DAB1: variants seen among roughly 807,000 people sequenced by gnomAD.
DAB1 encodes the protein DAB adaptor protein 1, also known as disabled homolog 1.
A neutral mutation model predicts 64.6 loss-of-function variants in DAB1; 15 were observed. That is an observed-to-expected ratio of 0.23 (90% CI 0.16 to 0.36). The LOEUF (loss-of-function observed/expected upper bound fraction) is 0.36, where lower values mean the gene tolerates loss of function less well. Among genes scored for constraint, DAB1 ranks in the 10% least tolerant of loss-of-function variants. The probability of loss-of-function intolerance (pLI) is 1.00; values close to 1 mark genes in which losing one functional copy is unlikely to be tolerated. For synonymous variants in DAB1, 235 were observed against 251.9 expected (o/e 0.93, Z 0.64); for missense variants, 596 against 706.7 (o/e 0.84, Z 1.78).
chr1:57,711,753 T>A (rs571362726), intron 6 of DAB1, among the ~76,000 whole-genome samples: 2 of 152,334 alleles, frequency 1.3e-5, no homozygotes, highest in South Asian at 4.1e-4. Flanking sequence ...GTTTCCCATA[T>A]CAGGAGATGG....
At chr1:57,566,784 A>G (rs1297423648) in intron 7 of DAB1, among the ~76,000 whole-genome samples, 1 of 152,228 alleles carries the variant, frequency 6.6e-6, no homozygotes, top group African/African-American at 2.4e-5. Context: ...GCAATAATTA[A>G]TAGCCTACCA....
At chr1:57,668,503 G>A (rs76223730) in intron 6 of DAB1, among the ~76,000 whole-genome samples, 3,966 of 152,212 alleles carry the variant, frequency 0.026, 176 homozygotes, top group African/African-American at 0.09. Flanking sequence ...ATTTCGAAAT[G>A]TGTTTGAGCT....
chr1:58,172,893 C>A (rs1010810612), intron 4 of DAB1, among the ~76,000 whole-genome samples: 8 of 152,230 alleles, frequency 5.3e-5, no homozygotes, highest in African/African-American at 1.9e-4. Context: ...CATGCCCATG[C>A]TGCAATATGG....
At chr1:57,618,194 C>A (rs1645811802) in intron 7 of DAB1, among the ~76,000 whole-genome samples, 1 of 152,152 alleles carries the variant, frequency 6.6e-6, no homozygotes, top group Admixed American at 6.5e-5. Flanking sequence ...GTGGGTGGAT[C>A]ACTTGAGGTC....
chr1:58,119,857 TA>T (rs1343437186), intron 5 of DAB1, among the ~76,000 whole-genome samples: 35 of 152,328 alleles, frequency 2.3e-4, no homozygotes, highest in African/African-American at 7.9e-4. Flanking sequence ...ATTTATTTAG[TA>T]AGTTCATTAT....
intron 6 of DAB1, among the ~76,000 whole-genome samples, chr1:57,666,232 A>G (rs916923884): frequency 1.3e-5 from 2 of 152,210 alleles, no homozygotes; most frequent in African/African-American, 2.4e-5. Flanking sequence ...ATATTTCTTT[A>G]TCTTTTAAAT....
chr1:57,302,536 G>T (rs1329002477), intron 1 of DAB1, among the ~76,000 whole-genome samples: 1 of 152,118 alleles, frequency 6.6e-6, no homozygotes, highest in Non-Finnish European at 1.5e-5. Context: ...ATCACCTGAG[G>T]AGCTGATGCC....
chr1:57,594,435 C>T (rs1391891080), intron 7 of DAB1, among the ~76,000 whole-genome samples: 2 of 152,066 alleles, frequency 1.3e-5, no homozygotes, highest in Non-Finnish European at 2.9e-5. Flanking sequence ...GACTTTAGAA[C>T]CGGATTGAGA....
chr1:58,017,332 C>T (rs1646755395), intron 5 of DAB1, among the ~76,000 whole-genome samples: 1 of 152,086 alleles, frequency 6.6e-6, no homozygotes, highest in African/African-American at 2.4e-5. Flanking sequence ...TGTTCTCTGC[C>T]AGTTAGGACC....
At chr1:58,287,392 G>A (rs1292003542) in intron 4 of DAB1, among the ~76,000 whole-genome samples, 2 of 152,104 alleles carry the variant, frequency 1.3e-5, no homozygotes, top group Non-Finnish European at 2.9e-5. Flanking sequence ...TGCATTAACT[G>A]GGCTCAGCTG....
chr1:57,834,273 C>T (rs1424749451), intron 1 of DAB1, among the ~76,000 whole-genome samples: 2 of 151,976 alleles, frequency 1.3e-5, no homozygotes, highest in Non-Finnish European at 2.9e-5. Context: ...AATTTTGCTG[C>T]CATACTCCTA....
intron 1 of DAB1, among the ~76,000 whole-genome samples, chr1:57,837,045 C>T (rs1652839118): frequency 6.6e-6 from 1 of 152,152 alleles, no homozygotes; most frequent in Non-Finnish European, 1.5e-5. Flanking sequence ...AAACCCACCT[C>T]GTGAATGTGT....
At chr1:57,484,292 T>G (rs187658838) in intron 7 of DAB1, among the ~76,000 whole-genome samples, 5 of 152,222 alleles carry the variant, frequency 3.3e-5, no homozygotes, top group Admixed American at 3.3e-4. Context: ...GTTACTGGAA[T>G]TTTTTGAAGA....
At chr1:58,008,264 C>A (rs1191800845) in intron 5 of DAB1, among the ~76,000 whole-genome samples, 1 of 152,140 alleles carries the variant, frequency 6.6e-6, no homozygotes, top group Non-Finnish European at 1.5e-5. Context: ...ACTCCTAATT[C>A]CCGGTTTTAT....
At chr1:58,127,231 G>A (rs541664554) in intron 5 of DAB1, among the ~76,000 whole-genome samples, 79 of 152,250 alleles carry the variant, frequency 5.2e-4, no homozygotes, top group African/African-American at 1.9e-3. Context: ...ATTTTTTCAT[G>A]TGTTTCTTGG....
At chr1:58,012,691 G>A (rs1015990919) in intron 5 of DAB1, among the ~76,000 whole-genome samples, 2 of 152,088 alleles carry the variant, frequency 1.3e-5, no homozygotes, top group Non-Finnish European at 2.9e-5. Flanking sequence ...ATGAGAATAC[G>A]AGAAGATAAC....
intron 5 of DAB1, among the ~76,000 whole-genome samples, chr1:58,053,048 G>A (rs138406592): frequency 6.6e-5 from 10 of 152,206 alleles, no homozygotes; most frequent in Non-Finnish European, 1.2e-4. Context: ...AACAATAAGC[G>A]TTCATGGGAA....
At chr1:58,459,159 A>G (rs1461130983) in intron 3 of DAB1, among the ~76,000 whole-genome samples, 1 of 152,266 alleles carries the variant, frequency 6.6e-6, no homozygotes, top group Non-Finnish European at 1.5e-5. Context: ...TAAAACCGCC[A>G]AAGAACACAG....
At chr1:58,428,644 T>C (rs1438174995) in intron 3 of DAB1, among the ~76,000 whole-genome samples, 1 of 152,210 alleles carries the variant, frequency 6.6e-6, no homozygotes, top group Non-Finnish European at 1.5e-5. Context: ...AAAATCCTTA[T>C]CTTTAAAAAA....
Sources: allele counts gnomAD v4.1 joint callset (sites outside exome capture counted in the v4.1 genomes callset), GRCh38; gene constraint gnomAD v4.1.1; transcripts MANE v1.5; gene names NCBI Gene and HGNC (gene_info 2026-07-23, HGNC 2026-07-21).